IRF2BPL: variants seen among roughly 807,000 people sequenced by gnomAD.
IRF2BPL encodes the protein interferon regulatory factor 2 binding protein like.
Under a neutral mutation model 51.2 loss-of-function variants are expected in IRF2BPL, and 13 were observed. That is an observed-to-expected ratio of 0.25 (90% confidence interval 0.17 to 0.40). IRF2BPL has a LOEUF of 0.40. Ranked by LOEUF, IRF2BPL falls within the 10% of genes least tolerant of loss-of-function variation. IRF2BPL has a pLI of 1.00. For missense variants in IRF2BPL, 1,210 were observed against 1,111.8 expected (o/e 1.09, Z -1.26); for synonymous variants, 768 against 509.2 (o/e 1.51, Z -6.84).
At position 77,028,153 on chromosome 14, in the gene IRF2BPL, G is replaced by A; in HGVS notation, c.-361C>T. ...AGGGTGCCCGGTGGTGGCCGCCGTT[G>A]CCTCTTGGCCCCCTCCCCGGAGTGG... On this transcript the variant is annotated 5_prime_UTR_variant, in exon 1 of 1. Transcript: ENST00000238647. 4.0e-6 allele frequency: 1 copy of A among 247,468 alleles called. No individual in the cohort carries two copies. The highest frequency in any genetic ancestry group is 8.3e-6 in the Non-Finnish European group (1 of 120,022). 15.3% of individuals were successfully genotyped at this position (247,468 alleles called of 1,614,324 possible).
chr14:77,028,465 G>T lies in IRF2BPL; in HGVS notation c.-673C>A. Reference sequence around the variant, plus strand: ...CGCGGCCACTGCTTCCAGGACGCACGAGAGCAGAGGAGAGGAGTGCACGCA... The same window carrying T: ...CGCGGCCACTGCTTCCAGGACGCACTAGAGCAGAGGAGAGGAGTGCACGCA... On this transcript the variant is annotated 5_prime_UTR_variant, in exon 1 of 1. Coordinates refer to ENST00000238647, the MANE Select transcript of IRF2BPL (RefSeq NM_024496.4). The T allele has an allele frequency of 3.4e-6, 1 of 296,924 alleles. No individual in the cohort carries two copies. The highest frequency in any genetic ancestry group is 5.1e-5 in the Admixed American group (1 of 19,470). The allele number at this position is 296,924 out of a possible 1,614,324, so 18.4% of individuals were successfully genotyped here.
In IRF2BPL at chr14:77,024,601, G is replaced by A. The variant is rs774692442; in HGVS notation, c.*801C>T. 1 of 152,592 alleles carries A rather than the reference G, an allele frequency of 6.6e-6. No individual in the cohort carries two copies. Among genetic ancestry groups the A allele is most frequent in the African/African-American group, 2.4e-5 (1 of 41,450 alleles). 9.5% of individuals were successfully genotyped at this position (152,592 alleles called of 1,614,324 possible). The stretch of plus-strand genomic sequence containing the variant: ...GCTCCAAGGCACATTACAGTGTTCT[G>A]TTAACTACAGAAATGTATAAAGGAC... On this transcript the variant is annotated 3_prime_UTR_variant, in exon 1 of 1. Coordinates refer to ENST00000238647, the MANE Select transcript of IRF2BPL (RefSeq NM_024496.4).
chr14:77,028,150 G>A lies in IRF2BPL; in HGVS notation c.-358C>T. ...GCGAGGGTGCCCGGTGGTGGCCGCC[G>A]TTGCCTCTTGGCCCCCTCCCCGGAG... On this transcript the variant is annotated 5_prime_UTR_variant, in exon 1 of 1. The change creates a new upstream start codon in the 5' untranslated region. Coordinates refer to ENST00000238647, the MANE Select transcript of IRF2BPL (RefSeq NM_024496.4). 1 of 250,638 alleles carries A rather than the reference G, an allele frequency of 4.0e-6. No individual in the cohort carries two copies. The highest frequency in any genetic ancestry group is 5.5e-5 in the Admixed American group (1 of 18,080). The allele number at this position is 250,638 out of a possible 1,614,324, so 15.5% of individuals were successfully genotyped here. A position where few individuals can be genotyped will look rare whatever the true frequency, so the allele number is the denominator to read the frequency against.
Position 77,025,012 on chromosome 14 carries a change from GT to G in IRF2BPL, c.*389del, listed in dbSNP as rs1885067573. Reference sequence around the variant, plus strand: ...AAAAAAAAAAGTCTTTTTCTTTTGTGTGTGTTTTTCCTTTCAGAGAGTGCAT... The same window carrying G: ...AAAAAAAAAAGTCTTTTTCTTTTGTGGTGTTTTTCCTTTCAGAGAGTGCAT... On this transcript the variant is annotated 3_prime_UTR_variant, in exon 1 of 1. Coordinates refer to ENST00000238647, the MANE Select transcript of IRF2BPL (RefSeq NM_024496.4). 1 of 97,974 alleles carries G rather than the reference GT, an allele frequency of 1.0e-5. No individual in the cohort carries two copies. The highest frequency in any genetic ancestry group is 4.8e-5 in the African/African-American group (1 of 20,756). 6.1% of individuals were successfully genotyped at this position (97,974 alleles called of 1,614,324 possible).
In IRF2BPL at chr14:77,028,226, A is replaced by AC. The variant is rs576192144; in HGVS notation, c.-435dup. The AC allele has an allele frequency of 2.7e-4, 59 of 222,078 alleles. No homozygotes were observed. Among genetic ancestry groups the AC allele is most frequent in the African/African-American group, 1.2e-3 (51 of 42,342 alleles). The allele number at this position is 222,078 out of a possible 1,614,324, so 13.8% of individuals were successfully genotyped here. ...GGGCTGTCTCTTCCTCTCCCCGGGG[A>AC]CCCCCCTACGAGCTGCGTCCTCTCC... is the stretch of plus-strand genomic sequence containing the variant. On this transcript the variant is annotated 5_prime_UTR_variant, in exon 1 of 1. Transcript: ENST00000238647.
rs749512842 is a variant in IRF2BPL, at chr14:77,027,442, CTGCTGCTGT to C, written c.342_350del (p.Gln125_Gln127del). 249 of 1,050,000 alleles carry C rather than the reference CTGCTGCTGT, an allele frequency of 2.4e-4. No homozygotes were observed. In the East Asian group the frequency reaches 3.3e-3, roughly 14 times the overall value. 65.0% of individuals were successfully genotyped at this position (1,050,000 alleles called of 1,614,324 possible). On this transcript the variant is annotated inframe_deletion, in exon 1 of 1. Coordinates refer to ENST00000238647, the MANE Select transcript of IRF2BPL (RefSeq NM_024496.4). ...GTTGCTGCTGCTGCTGCTGCTGCTG[CTGCTGCTGT>C]TGCTGCTGCTGCTGCTGCTGTTGCT...
Position 77,026,970 on chromosome 14 carries a change from G to A in IRF2BPL, c.823C>T (p.Pro275Ser), listed in dbSNP as rs780946232. 1.0e-4 allele frequency: 146 copies of A among 1,466,736 alleles called. No homozygotes were observed. Among genetic ancestry groups the A allele is most frequent in the Non-Finnish European group, 1.3e-4 (142 of 1,109,436 alleles). The allele number at this position is 1,466,736 out of a possible 1,614,324, so 90.9% of individuals were successfully genotyped here. A position where few individuals can be genotyped will look rare whatever the true frequency, so the allele number is the denominator to read the frequency against. ...CCACGGCTGCCCAGGGCGTGGGGAG[G>A]GGGTGGGGGGAGTACCGCAGCGCTG... The part of the protein sequence containing the change: ...PASAAVLPPP[P>S]PHALGSRGPP... The change falls in exon 1 of 1, where the codon CCT (proline) becomes TCT (serine). Residue 275 changes from proline to serine, a missense_variant. Coordinates refer to ENST00000238647, the MANE Select transcript of IRF2BPL (RefSeq NM_024496.4).
At position 77,026,570 on chromosome 14, in the gene IRF2BPL, A is replaced by G. The variant is rs1471532244; in HGVS notation, c.1223T>C (p.Val408Ala). 1 of 1,613,744 alleles carries G rather than the reference A, an allele frequency of 6.2e-7. No homozygotes were observed. The change falls in exon 1 of 1, where the codon GTC becomes GCC. Residue 408 changes from valine (V) to alanine (A), a missense_variant. By Grantham distance (64) the Val-to-Ala change is moderately conservative. Coordinates refer to ENST00000238647, the MANE Select transcript of IRF2BPL (RefSeq NM_024496.4). ...LLGRVFAFDA[V>A]SKPGMDYELK... ...TTCGTAGTCCATGCCGGGCTTGGAGACGGCGTCGAAGGCGAAAACGCGGCC... is the reference window on the plus strand; with the variant it reads ...TTCGTAGTCCATGCCGGGCTTGGAGGCGGCGTCGAAGGCGAAAACGCGGCC...
In IRF2BPL at chr14:77,026,864, G is replaced by A. The variant is rs534761049; in HGVS notation, c.929C>T (p.Ser310Phe). Residue 310 changes from serine (S) to phenylalanine (F), a missense_variant, in exon 1 of 1, where the codon TCC becomes TTC. Transcript: ENST00000238647. Reference sequence around the variant, plus strand: ...CGAAGAGGTCGAAGACGACGCGGAGGACGACGTGGCCGATACACCCGGGGT... The same window carrying A: ...CGAAGAGGTCGAAGACGACGCGGAGAACGACGTGGCCGATACACCCGGGGT... ...GGTPGVSATS[S>F]SASSSTSSSV... 131 of 1,593,924 alleles carry A rather than the reference G, an allele frequency of 8.2e-5. 1 individual carries two copies. The highest frequency in any genetic ancestry group is 2.9e-4 in the South Asian group (26 of 88,836).
chr14:77,025,343 G>A lies in IRF2BPL; in HGVS notation c.*59C>T, dbSNP rs907197153. 2.1e-5 allele frequency: 27 copies of A among 1,279,346 alleles called. No homozygotes were observed. The highest frequency in any genetic ancestry group is 1.5e-4 in the Admixed American group (6 of 38,724). The allele number at this position is 1,279,346 out of a possible 1,614,324, so 79.2% of individuals were successfully genotyped here. On this transcript the variant is annotated 3_prime_UTR_variant, in exon 1 of 1. Coordinates refer to ENST00000238647, the MANE Select transcript of IRF2BPL (RefSeq NM_024496.4). ...GGGAGGGTCGAGTTGGGTTGGGGGA[G>A]GGGCCCTCAGGATTGGAGAGGAGCT...
chr14:77,026,885 G>A lies in IRF2BPL; in HGVS notation c.908C>T (p.Pro303Leu), dbSNP rs770371532. Reference protein sequence around the residue: ...PGGPACLGGTPGVSATSSSAS... With the variant: ...PGGPACLGGTLGVSATSSSAS... ...GGAGGACGACGTGGCCGATACACCCGGGGTACCCCCGAGACAAGCGGGGCC... is the reference window on the plus strand; with the variant it reads ...GGAGGACGACGTGGCCGATACACCCAGGGTACCCCCGAGACAAGCGGGGCC... Residue 303 changes from proline (P) to leucine (L), a missense_variant, in exon 1 of 1, where the codon CCG becomes CTG. Physicochemically the swap from Pro to Leu is moderately conservative, Grantham distance 98. Coordinates refer to ENST00000238647, the MANE Select transcript of IRF2BPL (RefSeq NM_024496.4). 3.7e-5 allele frequency: 58 copies of A among 1,553,798 alleles called. No individual in the cohort carries two copies. Among genetic ancestry groups the A allele is most frequent in the African/African-American group, 6.9e-5 (5 of 72,912 alleles).
rs76980172 is a variant in IRF2BPL at position 77,028,141 on chromosome 14, G to A, written c.-349C>T. On this transcript the variant is annotated 5_prime_UTR_variant, in exon 1 of 1. Coordinates refer to ENST00000238647, the MANE Select transcript of IRF2BPL (RefSeq NM_024496.4). ...GGGGAGGGGGCGAGGGTGCCCGGTGGTGGCCGCCGTTGCCTCTTGGCCCCC... is the reference window on the plus strand; with the variant it reads ...GGGGAGGGGGCGAGGGTGCCCGGTGATGGCCGCCGTTGCCTCTTGGCCCCC... 1 of 257,446 alleles carries A rather than the reference G, an allele frequency of 3.9e-6. No individual in the cohort carries two copies. Among genetic ancestry groups the A allele is most frequent in the Non-Finnish European group, 7.9e-6 (1 of 126,482 alleles). 15.9% of individuals were successfully genotyped at this position (257,446 alleles called of 1,614,324 possible).
chr14:77,025,673 A>G lies in IRF2BPL; in HGVS notation c.2120T>C (p.Met707Thr). The G allele has an allele frequency of 6.4e-7, 1 of 1,563,160 alleles. No individual in the cohort carries two copies. The highest frequency in any genetic ancestry group is 8.7e-7 in the Non-Finnish European group (1 of 1,152,138). The change falls in exon 1 of 1, where the codon ATG (methionine) becomes ACG (threonine). Residue 707 changes from methionine (M) to threonine (T), a missense_variant. Physicochemically the swap from Met to Thr is moderately conservative, Grantham distance 81. Coordinates refer to ENST00000238647, the MANE Select transcript of IRF2BPL (RefSeq NM_024496.4). ...VHPQNIPDSP[M>T]ANSGPLCCTI... The stretch of plus-strand genomic sequence containing the variant: ...GCAGCAGAGGGGTCCGCTGTTGGCC[A>G]TGGGGGAATCCGGAATGTTTTGGGG...
chr14:77,027,905 G>T lies in IRF2BPL; in HGVS notation c.-113C>A, dbSNP rs558573921. On this transcript the variant is annotated 5_prime_UTR_variant, in exon 1 of 1. Transcript: ENST00000238647. ...GTCCGACTGCGGGGGAGGGAGGAGG[G>T]GGGGCGAGAAAGTTCTGCCCCAGGG... 5.4e-5 allele frequency: 70 copies of T among 1,304,272 alleles called. 1 individual carries two copies. In the South Asian group the frequency reaches 9.3e-4, roughly 17 times the overall value. 80.8% of individuals were successfully genotyped at this position (1,304,272 alleles called of 1,614,324 possible).
chr14:77,027,905 G>A lies in IRF2BPL; in HGVS notation c.-113C>T, dbSNP rs558573921. ...GTCCGACTGCGGGGGAGGGAGGAGGGGGGGCGAGAAAGTTCTGCCCCAGGG... is the reference window on the plus strand; with the variant it reads ...GTCCGACTGCGGGGGAGGGAGGAGGAGGGGCGAGAAAGTTCTGCCCCAGGG... On this transcript the variant is annotated 5_prime_UTR_variant, in exon 1 of 1. Coordinates refer to ENST00000238647, the MANE Select transcript of IRF2BPL (RefSeq NM_024496.4). The A allele has an allele frequency of 7.7e-7, 1 of 1,304,272 alleles. No individual in the cohort carries two copies. The highest frequency in any genetic ancestry group is 1.0e-6 in the Non-Finnish European group (1 of 996,874). The allele number at this position is 1,304,272 out of a possible 1,614,324, so 80.8% of individuals were successfully genotyped here.
rs1885204890 is a variant in IRF2BPL, at chr14:77,027,842, G to A, written c.-50C>T. ...CCCCCGCCCGGGCTGTCTCCGCGGCGCCTTCTCCTCCGGGAGGACTGGCCG... is the reference window on the plus strand; with the variant it reads ...CCCCCGCCCGGGCTGTCTCCGCGGCACCTTCTCCTCCGGGAGGACTGGCCG... On this transcript the variant is annotated 5_prime_UTR_variant, in exon 1 of 1. Coordinates refer to ENST00000238647, the MANE Select transcript of IRF2BPL (RefSeq NM_024496.4). 1 of 1,453,516 alleles carries A rather than the reference G, an allele frequency of 6.9e-7. No homozygotes were observed. 90.0% of individuals were successfully genotyped at this position (1,453,516 alleles called of 1,614,324 possible).
At position 77,025,480 on chromosome 14, in the gene IRF2BPL, T is replaced by G; in HGVS notation, c.2313A>C (p.Val771=). 6.2e-7 allele frequency: 1 copy of G among 1,611,892 alleles called. No individual in the cohort carries two copies. The highest frequency in any genetic ancestry group is 8.5e-7 in the Non-Finnish European group (1 of 1,179,108). Residue 771 remains valine, a synonymous_variant, in exon 1 of 1, where the codon GTA becomes GTC. Coordinates refer to ENST00000238647, the MANE Select transcript of IRF2BPL (RefSeq NM_024496.4). The stretch of plus-strand genomic sequence containing the variant: ...TTTCGCCCTGCATGAAGGCCCAAGG[T>G]ACATTCGACCCGACTAGGGGGCATT... ...GEKCPLVGSN[V]PWAFMQGEIA... is the part of the protein sequence containing the mutation.
chr14:77,027,876 G>A lies in IRF2BPL; in HGVS notation c.-84C>T. 1 of 1,404,634 alleles carries A rather than the reference G, an allele frequency of 7.1e-7. No individual in the cohort carries two copies. 87.0% of individuals were successfully genotyped at this position (1,404,634 alleles called of 1,614,324 possible). On this transcript the variant is annotated 5_prime_UTR_variant, in exon 1 of 1. Transcript: ENST00000238647. Reference sequence around the variant, plus strand: ...TCCGGGAGGACTGGCCGGCTGGGGAGGGAGTCCGACTGCGGGGGAGGGAGG... The same window carrying A: ...TCCGGGAGGACTGGCCGGCTGGGGAAGGAGTCCGACTGCGGGGGAGGGAGG...
In IRF2BPL at chr14:77,027,457, CTGCTGCTGCTGCTGTTGCTGT is replaced by C. The variant is rs1885179866; in HGVS notation, c.315_335del (p.Gln121_Gln127del). 7 of 1,426,318 alleles carry C rather than the reference CTGCTGCTGCTGCTGTTGCTGT, an allele frequency of 4.9e-6. No individual in the cohort carries two copies. The highest frequency in any genetic ancestry group is 6.5e-5 in the East Asian group (2 of 30,562). 88.4% of individuals were successfully genotyped at this position (1,426,318 alleles called of 1,614,324 possible). ...GCTGCTGCTGCTGCTGCTGTTGCTG[CTGCTGCTGCTGCTGTTGCTGT>C]TGCTGTTGCGCGGCGGCGGCGGCGG... On this transcript the variant is annotated inframe_deletion, in exon 1 of 1. Coordinates refer to ENST00000238647, the MANE Select transcript of IRF2BPL (RefSeq NM_024496.4).
Sources: gnomAD v4.1 joint callset for allele counts on GRCh38, gnomAD v4.1.1 for gene constraint, MANE v1.5 for transcripts, NCBI Gene and HGNC (gene_info 2026-07-23, HGNC 2026-07-21) for gene names.